Variants in TANGO6 observed in about 807,000 individuals in gnomAD.
TANGO6 encodes the protein transport and Golgi organization protein 6 homolog.
A neutral mutation model predicts 114.2 loss-of-function variants in TANGO6; 90 were observed. The ratio of observed to expected loss-of-function variants is 0.79; its 90% CI spans 0.66 to 0.94. TANGO6 has a LOEUF of 0.94. Ranked by LOEUF, TANGO6 falls within the 40% of genes least tolerant of loss-of-function variation. The pLI, the probability that TANGO6 is intolerant of heterozygous loss-of-function variation, is 0.00. For synonymous variants in TANGO6, 477 were observed against 509.8 expected, an observed-to-expected ratio of 0.94 and a Z score of 0.87; for missense variants, 1,274 against 1,315.3, an observed-to-expected ratio of 0.97 and a Z score of 0.49.
intron 14 of TANGO6, among the ~76,000 whole-genome samples, chr16:68,956,900 A>G (rs970379961): frequency 6.6e-6 from 1 of 152,100 alleles, no homozygotes; most frequent in Non-Finnish European, 1.5e-5. Context: ...TTGAGAGGTT[A>G]TGATCACGGA....
At chr16:68,863,667 G>C (rs548980955) in intron 3 of TANGO6, among the ~76,000 whole-genome samples, 1 of 152,270 alleles carries the variant, frequency 6.6e-6, no homozygotes, top group South Asian at 2.1e-4. Context: ...TCTGAAACTA[G>C]ATCTTCTCTT....
Position 68,885,976 on chromosome 16 carries a change from G to A in TANGO6, c.1377+5346G>A, listed in dbSNP as rs1254271982. Among the ~76,000 whole-genome samples, 6 of 152,098 alleles carry A rather than the reference G, an allele frequency of 3.9e-5. No individual in the cohort carries two copies. In the South Asian group the frequency reaches 6.2e-4, roughly 16 times the overall value. Reference sequence around the variant, plus strand: ...TTTTGAGGACCTGCCAAACTTTTCCGAAGCAGCTACACCATTTTACGTTCC... The same window carrying A: ...TTTTGAGGACCTGCCAAACTTTTCCAAAGCAGCTACACCATTTTACGTTCC... On this transcript the variant is annotated intron_variant, in intron 7 of 17. Transcript: ENST00000261778.
chr16:68,900,928 G>C (rs1269567791), intron 8 of TANGO6, among the ~76,000 whole-genome samples: 16 of 152,228 alleles, frequency 1.1e-4, no homozygotes, highest in Non-Finnish European at 5.9e-5. Context: ...GGGAAATCTA[G>C]ATCTGAATGT....
At chr16:68,843,875 T>G (rs1961762997) in intron 1 of TANGO6, among the ~76,000 whole-genome samples, 164 bp downstream of exon 1, 2 of 152,206 alleles carry the variant, frequency 1.3e-5, no homozygotes, top group Non-Finnish European at 2.9e-5. Flanking sequence ...CCTCATTACG[T>G]TCTTGAGGAA....
chr16:68,859,505 C>A (rs112582617), intron 1 of TANGO6, among the ~76,000 whole-genome samples: 68 of 152,344 alleles, frequency 4.5e-4, no homozygotes, highest in African/African-American at 1.5e-3. Context: ...TTATCCCCAG[C>A]ACCTAGAACA....
At chr16:69,042,600 A>G (rs1456110024) in intron 17 of TANGO6, among the ~76,000 whole-genome samples, 1 of 152,148 alleles carries the variant, frequency 6.6e-6, no homozygotes, top group African/African-American at 2.4e-5. Context: ...AACTTGGAGC[A>G]CTCACCTGGA....
intron 17 of TANGO6, 36 bp downstream of exon 17, chr16:69,040,457 C>A: frequency 6.6e-7 from 1 of 1,507,742 alleles, no homozygotes; most frequent in Non-Finnish European, 9.1e-7. Context: ...ATTTCTCCAC[C>A]TCTTTTATTT....
At chr16:68,991,655 T>C (rs1963946815) in intron 15 of TANGO6, among the ~76,000 whole-genome samples, 1 of 150,726 alleles carries the variant, frequency 6.6e-6, no homozygotes, top group Non-Finnish European at 1.5e-5. Flanking sequence ...AATAAATAAA[T>C]AAAAATACAA....
intron 15 of TANGO6, among the ~76,000 whole-genome samples, chr16:69,020,904 ATGTGTGTGTGTG>A (rs34350425): frequency 8.0e-5 from 7 of 87,366 alleles, no homozygotes; most frequent in East Asian, 9.4e-4. Flanking sequence ...ATATGTATGT[ATGTGTGTGTGTG>A]TGTGTGTGTG....
rs949768043 is a variant in TANGO6 at position 68,877,980 on chromosome 16, A to G, written c.1132-138A>G. On this transcript the variant is annotated intron_variant, in intron 5 of 17. Transcript: ENST00000261778. ...TTACCCTTTGATACTGGGTATGTTA[A>G]ATTAAAAGAATTCTGTTGAATCAGT... The G allele has an allele frequency of 5.7e-6, 4 of 707,060 alleles. No individual in the cohort carries two copies. The Admixed American group carries it at 1.1e-4, about 19-fold the overall frequency. The allele number at this position is 707,060 out of a possible 1,614,324, so 43.8% of individuals were successfully genotyped here. A position where few individuals can be genotyped will look rare whatever the true frequency, so the allele number is the denominator to read the frequency against.
At chr16:68,953,054 TTATTATTA>T (rs1963488704) in intron 14 of TANGO6, among the ~76,000 whole-genome samples, 2 of 59,092 alleles carry the variant, frequency 3.4e-5, no homozygotes, top group African/African-American at 5.0e-5. Context: ...GTATTTTTTA[TTATTATTA>T]TTATTATTAT....
Position 68,980,493 on chromosome 16 carries a change from TC to T in TANGO6, c.2842+6327del, listed in dbSNP as rs1249201890. On this transcript the variant is annotated intron_variant, in intron 15 of 17. Coordinates refer to ENST00000261778, the MANE Select transcript of TANGO6 (RefSeq NM_024562.2). Reference sequence around the variant, plus strand: ...TATGTTGCCCAGGCTGGGCTTGAACTCCTGGGCTCAAGCAGTCCTCCTGCCT... The same window carrying T: ...TATGTTGCCCAGGCTGGGCTTGAACTCTGGGCTCAAGCAGTCCTCCTGCCT... 3.4e-5 allele frequency among the ~76,000 whole-genome samples: 5 copies of T among 146,172 alleles called. No homozygotes were observed. In the East Asian group the frequency reaches 1.0e-3, roughly 30 times the overall value.
chr16:68,889,854 G>A (rs1330761227), intron 7 of TANGO6, among the ~76,000 whole-genome samples: 2 of 152,172 alleles, frequency 1.3e-5, no homozygotes, highest in African/African-American at 2.4e-5. Flanking sequence ...TAGCACATAA[G>A]TGCTCAAAAA....
intron 15 of TANGO6, among the ~76,000 whole-genome samples, chr16:69,008,166 T>G (rs963762856): frequency 2.6e-5 from 4 of 152,112 alleles, no homozygotes; most frequent in African/African-American, 9.7e-5. Flanking sequence ...CAGTTATAGG[T>G]TCACATAAAA....
At position 68,851,945 on chromosome 16, in the gene TANGO6, G is replaced by A. The variant is rs559218892; in HGVS notation, c.95-7939G>A. Among the ~76,000 whole-genome samples, 4 of 152,178 alleles carry A rather than the reference G, an allele frequency of 2.6e-5. No homozygotes were observed. The South Asian group carries it at 8.3e-4, about 32-fold the overall frequency. On this transcript the variant is annotated intron_variant, in intron 1 of 17. Coordinates refer to ENST00000261778, the MANE Select transcript of TANGO6 (RefSeq NM_024562.2). ...ATTGATCATATGTTCATGTTTAAGG[G>A]CCATTTGCATTTCTTTTCCTATAAA...
chr16:68,956,970 G>A lies in TANGO6; in HGVS notation c.2702-17058G>A, dbSNP rs1242832129. 4.6e-5 allele frequency among the ~76,000 whole-genome samples: 7 copies of A among 152,160 alleles called. No homozygotes were observed. In the East Asian group the frequency reaches 1.2e-3, roughly 25 times the overall value. On this transcript the variant is annotated intron_variant, in intron 14 of 17. Coordinates refer to ENST00000261778, the MANE Select transcript of TANGO6 (RefSeq NM_024562.2). ...TCAGGAAATCTCAAGCAGGGAATTA[G>A]AATTTAAAATGTTTCTATACCTGTA...
intron 15 of TANGO6, among the ~76,000 whole-genome samples, chr16:68,998,690 C>T (rs957890723): frequency 6.7e-5 from 10 of 148,444 alleles, no homozygotes; most frequent in African/African-American, 2.2e-4. Context: ...AAGATTGCGC[C>T]ACTGCGCTCC....
Position 68,919,146 on chromosome 16 carries a change from A to G in TANGO6, c.2054A>G (p.Glu685Gly). ...RACASLAHQA[E>G]STVESQTLSM... Reference sequence around the variant, plus strand: ...TGTGCAAGCCTGGCCCATCAGGCAGAGAGCACCGTGGAATCACAGACGCTG... The same window carrying G: ...TGTGCAAGCCTGGCCCATCAGGCAGGGAGCACCGTGGAATCACAGACGCTG... Residue 685 changes from glutamate (E) to glycine (G), a missense_variant, in exon 12 of 18, where the codon GAG becomes GGG. Glu to Gly is a moderately conservative substitution (Grantham distance 98). This residue lies in a region of TANGO6 where 908 missense variants were observed against 910.2 expected (regional missense o/e 1.00). Coordinates refer to ENST00000261778, the MANE Select transcript of TANGO6 (RefSeq NM_024562.2). 1 of 1,613,146 alleles carries G rather than the reference A, an allele frequency of 6.2e-7. No individual in the cohort carries two copies. Among genetic ancestry groups the G allele is most frequent in the South Asian group, 1.1e-5 (1 of 90,760 alleles).
chr16:69,083,351 AC>A, intron 17 of TANGO6, 133 bp from the exon 18 acceptor site: 1 of 1,162,088 alleles, frequency 8.6e-7, no homozygotes, highest in Non-Finnish European at 1.2e-6. Flanking sequence ...GAGCCACTGC[AC>A]CCAGCCACAT....
Sources: gnomAD v4.1 joint callset for allele counts (sites outside exome capture counted in the v4.1 genomes callset) on GRCh38, gnomAD v4.1.1 for gene constraint, gnomAD v4.1.1 regional missense constraint, MANE v1.5 for transcripts, NCBI Gene and HGNC (gene_info 2026-07-23, HGNC 2026-07-21) for gene names.